ABCC12: variants seen among roughly 807,000 people sequenced by gnomAD.
The protein encoded by ABCC12 is ATP-binding cassette sub-family C member 12.
ABCC12 carries 142 observed loss-of-function variants against 151.1 expected under a neutral mutation model. The observed-to-expected ratio is 0.94, with a 90% CI of 0.82 to 1.08. The LOEUF (loss-of-function observed/expected upper bound fraction) is 1.08. Ranked by LOEUF, ABCC12 falls within the 50% of genes least tolerant of loss-of-function variation. The pLI is 0.00. For missense variants in ABCC12, 1,638 were observed against 1,691.1 expected (o/e 0.97, Z 0.55); for synonymous variants, 645 against 646.4 (o/e 1.00, Z 0.03).
intron 23 of ABCC12, among the ~76,000 whole-genome samples, chr16:48,099,822 T>C (rs1300858859): frequency 6.6e-6 from 1 of 152,168 alleles, no homozygotes; most frequent in Non-Finnish European, 1.5e-5. Flanking sequence ...TATGCCTGAG[T>C]GTGGAGTACA....
intron 24 of ABCC12, among the ~76,000 whole-genome samples, chr16:48,094,860 C>A (rs891492288): frequency 2.6e-5 from 4 of 152,150 alleles, no homozygotes; most frequent in Non-Finnish European, 5.9e-5. Flanking sequence ...CAGGAGACAC[C>A]TAGCAAGGTG....
Position 48,115,567 on chromosome 16 carries a change from G to A in ABCC12, c.1837C>T (p.Leu613=). 1 of 1,614,168 alleles carries A rather than the reference G, an allele frequency of 6.2e-7. No homozygotes were observed. The highest frequency in any genetic ancestry group is 8.5e-7 in the Non-Finnish European group (1 of 1,180,016). The change falls in exon 15 of 31, where the codon CTG becomes TTG. Residue 613 remains leucine, a synonymous_variant. Coordinates refer to ENST00000311303, the MANE Select transcript of ABCC12 (RefSeq NM_001393797.1). The part of the protein sequence containing the change: ...LSGGQRQRIS[L]ARAVYSDRQL... ...CGGTCGGAGTAGACAGCGCGGGCCA[G>A]GCTAATCCTCTGCCTCTGCCCCCCA...
At chr16:48,100,122 G>C (rs1284969780) in intron 23 of ABCC12, among the ~76,000 whole-genome samples, 1 of 151,980 alleles carries the variant, frequency 6.6e-6, no homozygotes, top group Non-Finnish European at 1.5e-5. Context: ...ACCACACCCA[G>C]CTAATTTTTG....
chr16:48,100,108 C>T (rs1387955572), intron 23 of ABCC12, among the ~76,000 whole-genome samples: 1 of 151,940 alleles, frequency 6.6e-6, no homozygotes, highest in Non-Finnish European at 1.5e-5. Context: ...TACAGGTGCC[C>T]ACCACCACAC....
chr16:48,102,579 G>A (rs1015215461), intron 22 of ABCC12, among the ~76,000 whole-genome samples: 5 of 152,078 alleles, frequency 3.3e-5, no homozygotes, highest in Admixed American at 3.3e-4. Flanking sequence ...GTGAAAGACA[G>A]CAGCAAGAGT....
rs1489216441 is a variant in ABCC12 at position 48,101,008 on chromosome 16, T to C, written c.2902A>G (p.Ile968Val). The C allele has an allele frequency of 6.2e-7, 1 of 1,613,876 alleles. No homozygotes were observed. The highest frequency in any genetic ancestry group is 8.5e-7 in the Non-Finnish European group (1 of 1,179,888). ...AGCTCCTGGACTCCTCTGTGGAAAA[T>C]GCTGGAAGAAAATTGAAAGGGGCCA... ...LAVGFFILLR[I>V]FHRGVQELKK... The change falls in exon 23 of 31, where the codon ATT becomes GTT. Residue 968 changes from isoleucine to valine, a missense_variant and splice_region_variant. Transcript: ENST00000311303.
chr16:48,103,090 A>G (rs1687998849), intron 22 of ABCC12, among the ~76,000 whole-genome samples: 1 of 152,168 alleles, frequency 6.6e-6, no homozygotes, highest in African/African-American at 2.4e-5. Flanking sequence ...TTATTTCTAA[A>G]ACTAGGATCT....
rs746612833 is a variant in ABCC12, at chr16:48,115,593, G to C, written c.1811C>G (p.Ser604Cys). The change falls in exon 15 of 31, where the codon TCT becomes TGT. Residue 604 changes from serine to cysteine, a missense_variant. By Grantham distance (112) the Ser-to-Cys change is moderately radical (BLOSUM62 -1). Transcript: ENST00000311303. ...GCTAATCCTCTGCCTCTGCCCCCCA[G>C]AGAGGTTGAGGCCCCGCTCCCCAAT... is the stretch of plus-strand genomic sequence containing the variant. ...TEIGERGLNL[S>C]GGQRQRISLA... 1.2e-6 allele frequency: 2 copies of C among 1,614,004 alleles called. No homozygotes were observed. The highest frequency in any genetic ancestry group is 4.5e-5 in the East Asian group (2 of 44,876).
intron 23 of ABCC12, among the ~76,000 whole-genome samples, chr16:48,097,520 G>A (rs536493524): frequency 3.3e-5 from 5 of 152,264 alleles, no homozygotes; most frequent in South Asian, 4.1e-4. Flanking sequence ...GCACGTCCAC[G>A]GAGCCAAAGG....
Position 48,146,309 on chromosome 16 carries a change from G to A in ABCC12, c.116C>T (p.Ala39Val). The A allele has an allele frequency of 6.2e-7, 1 of 1,614,026 alleles. No homozygotes were observed. ...LKTMIPVRPC[A>V]RLAPNPVDDA... ...TTCTGTCCTTCTTCTGACTTACCTTGCACAGGGTCGCACTGGGATCATGGT... is the reference window on the plus strand; with the variant it reads ...TTCTGTCCTTCTTCTGACTTACCTTACACAGGGTCGCACTGGGATCATGGT... Residue 39 changes from alanine (A) to valine (V), a missense_variant, in exon 3 of 31, where the codon GCA (alanine) becomes GTA (valine). By Grantham distance (64) the Ala-to-Val change is moderately conservative (BLOSUM62 0). Coordinates refer to ENST00000311303, the MANE Select transcript of ABCC12 (RefSeq NM_001393797.1).
chr16:48,146,655 G>A (rs1029177652), intron 2 of ABCC12, 181 bp from the exon 3 acceptor site: 42 of 487,242 alleles, frequency 8.6e-5, no homozygotes, highest in Admixed American at 1.4e-4. Context: ...TTAATGCTAC[G>A]CTGAGGCTTT....
rs2016940 is a variant in ABCC12, at chr16:48,131,003, G to A, written c.1129-108C>T. On this transcript the variant is annotated intron_variant, in intron 9 of 30. Transcript: ENST00000311303. Reference sequence around the variant, plus strand: ...TGCTGAGATGAGAAATGGTGGCATCGTTGGAATGTGCAGAGGAACAATCTT... The same window carrying A: ...TGCTGAGATGAGAAATGGTGGCATCATTGGAATGTGCAGAGGAACAATCTT... 12,829 of 735,744 alleles carry A rather than the reference G, an allele frequency of 0.017. 1,192 individuals are homozygous for A. In the African/African-American group the frequency reaches 0.2, roughly 11 times the overall value. The allele number at this position is 735,744 out of a possible 1,614,324, so 45.6% of individuals were successfully genotyped here. A position where few individuals can be genotyped will look rare whatever the true frequency, so the allele number is the denominator to read the frequency against.
At chr16:48,148,945 C>T (rs78611413) in intron 2 of ABCC12, among the ~76,000 whole-genome samples, 2,362 of 151,970 alleles carry the variant, frequency 0.016, 59 homozygotes, top group African/African-American at 0.055. Context: ...TTTCCAATAC[C>T]TAGCATAGTC....
chr16:48,120,668 G>C (rs1395159168), intron 13 of ABCC12, among the ~76,000 whole-genome samples: 1 of 150,786 alleles, frequency 6.6e-6, no homozygotes, highest in Non-Finnish European at 1.5e-5. Flanking sequence ...CAATTCTCCT[G>C]CCTCAGCCTC....
intron 23 of ABCC12, 67 bp downstream of exon 23, chr16:48,100,805 G>C: frequency 6.4e-7 from 1 of 1,560,816 alleles, no homozygotes; most frequent in East Asian, 2.3e-5. Flanking sequence ...CCCTCCTCCT[G>C]TGCACTCCCC....
At chr16:48,107,484 A>G in intron 19 of ABCC12, 59 bp from the exon 20 acceptor site, 1 of 1,480,532 alleles carries the variant, frequency 6.8e-7, no homozygotes, top group Non-Finnish European at 9.4e-7. Flanking sequence ...GCAGGGGCTG[A>G]CCTTCCTCAG....
chr16:48,122,150 G>C (rs979868894), intron 12 of ABCC12, among the ~76,000 whole-genome samples: 1 of 152,204 alleles, frequency 6.6e-6, no homozygotes, highest in Non-Finnish European at 1.5e-5. Context: ...ACTACAACAG[G>C]ATGTTCTCTG....
At chr16:48,134,939 C>T (rs1037249065) in intron 8 of ABCC12, among the ~76,000 whole-genome samples, 1 of 151,810 alleles carries the variant, frequency 6.6e-6, no homozygotes, top group South Asian at 2.1e-4. Context: ...GTAATCCCAG[C>T]TACTCGGGAG....
At chr16:48,108,630 G>T in intron 18 of ABCC12, 101 bp from the exon 19 acceptor site, 1 of 811,878 alleles carries the variant, frequency 1.2e-6, no homozygotes, top group Non-Finnish European at 2.0e-6. Context: ...GGCTAAGGGG[G>T]CTGTGATGCA....
Sources: allele counts gnomAD v4.1 joint callset (sites outside exome capture counted in the v4.1 genomes callset), GRCh38; gene constraint gnomAD v4.1.1; transcripts MANE v1.5; gene names NCBI Gene and HGNC (gene_info 2026-07-23, HGNC 2026-07-21).